Variants in BRCC3 observed in about 807,000 individuals in gnomAD.
BRCC3 encodes lys-63-specific deubiquitinase BRCC36.
A neutral mutation model predicts 28.0 loss-of-function variants in BRCC3; 15 were observed. The ratio of observed to expected loss-of-function variants is 0.54; its 90% CI spans 0.36 to 0.82. The LOEUF (loss-of-function observed/expected upper bound fraction) is 0.82, where lower values mean the gene tolerates loss of function less well. BRCC3 is among the 40% of genes least tolerant of loss of function. The probability of loss-of-function intolerance (pLI) is 0.01; values close to 1 mark genes in which losing one functional copy is unlikely to be tolerated. For missense variants in BRCC3, 109 were observed against 225.9 expected (o/e 0.48, Z 3.32); for synonymous variants, 66 against 80.3 (o/e 0.82, Z 0.95).
In BRCC3 at chrX:155,071,552, G is replaced by T; in HGVS notation, c.25G>T (p.Val9Leu). 8.3e-7 allele frequency: 1 copy of T among 1,203,672 alleles called. No individual in the cohort carries two copies. The highest frequency in any genetic ancestry group is 1.1e-6 in the Non-Finnish European group (1 of 889,930). MAVQVVQA[V>L]QAVHLESDAF... is the part of the protein sequence containing the mutation. ...GATGGCGGTGCAGGTGGTGCAGGCGGTGCAGGCGGTTCATCTCGAGTCTGA... is the reference window on the plus strand; with the variant it reads ...GATGGCGGTGCAGGTGGTGCAGGCGTTGCAGGCGGTTCATCTCGAGTCTGA... Residue 9 changes from valine to leucine, a missense_variant, in exon 1 of 11, where the codon GTG (valine) becomes TTG (leucine). Coordinates refer to ENST00000330045, the MANE Select transcript of BRCC3 (RefSeq NM_001018055.3).
At position 155,090,854 on chromosome X, in the gene BRCC3, G is replaced by GACTT; in HGVS notation, c.548+17_548+20dup. ...AAGAGTTCAGAGTAAGTATGAGAGAGACTTATGTGTGTATTGGAGGGCTAA... is the reference window on the plus strand; with the variant it reads ...AAGAGTTCAGAGTAAGTATGAGAGAGACTTACTTATGTGTGTATTGGAGGGCTAA... On this transcript the variant is annotated intron_variant, in intron 7 of 10. Transcript: ENST00000330045. The GACTT allele has an allele frequency of 3.5e-6, 4 of 1,132,267 alleles. No homozygotes were observed. Among genetic ancestry groups the GACTT allele is most frequent in the Non-Finnish European group, 4.8e-6 (4 of 828,113 alleles). 93.3% of individuals were successfully genotyped at this position (1,132,267 alleles called of 1,213,427 possible).
intron 7 of BRCC3, among the ~76,000 whole-genome samples, chrX:155,096,228 A>G (rs1341028964): frequency 2.7e-5 from 3 of 112,221 alleles, no homozygotes; most frequent in Non-Finnish European, 3.8e-5. Context: ...AGAGACAGAA[A>G]GCAGATTGGT....
At chrX:155,105,877 T>G (rs2074280812) in intron 7 of BRCC3, among the ~76,000 whole-genome samples, 1 of 111,499 alleles carries the variant, frequency 9.0e-6, no homozygotes, top group Non-Finnish European at 1.9e-5. Context: ...TTTTGTATTT[T>G]TAGTGGAGAC....
intron 9 of BRCC3, among the ~76,000 whole-genome samples, chrX:155,119,633 T>G (rs1295557495): frequency 1.8e-5 from 2 of 111,968 alleles, no homozygotes; most frequent in African/African-American, 6.5e-5. Flanking sequence ...TTCTGGCCCA[T>G]TAGGAGGTTA....
chrX:155,116,899 C>G (rs782362300), intron 9 of BRCC3, 145 bp downstream of exon 9: 7 of 425,146 alleles, frequency 1.6e-5, no homozygotes, highest in African/African-American at 9.9e-5. Flanking sequence ...TTTCCTGATC[C>G]TGAGCCCAAC....
At chrX:155,098,539 G>T (rs1205327568) in intron 7 of BRCC3, among the ~76,000 whole-genome samples, 1 of 111,987 alleles carries the variant, frequency 8.9e-6, no homozygotes, top group African/African-American at 3.3e-5. Flanking sequence ...TTGGCCTGGG[G>T]CCTACATTTG....
intron 7 of BRCC3, among the ~76,000 whole-genome samples, chrX:155,101,219 A>G (rs1397489370): frequency 3.6e-5 from 4 of 111,649 alleles, no homozygotes; most frequent in African/African-American, 1.3e-4. Flanking sequence ...ATTATAAATA[A>G]TCTAGAGATG....
chrX:155,099,434 C>T (rs782359868), intron 7 of BRCC3: 17 of 1,187,194 alleles, frequency 1.4e-5, no homozygotes, highest in South Asian at 1.9e-5. Flanking sequence ...AACTGATTTC[C>T]AATAAGTGAC....
At chrX:155,086,941 A>G (rs1557294972) in intron 5 of BRCC3, among the ~76,000 whole-genome samples, 1 of 112,101 alleles carries the variant, frequency 8.9e-6, no homozygotes, top group African/African-American at 3.2e-5. Flanking sequence ...GAGGGCACCA[A>G]TGGGCTTTTC....
At chrX:155,076,737 A>C (rs944647152) in intron 3 of BRCC3, among the ~76,000 whole-genome samples, 1 of 111,851 alleles carries the variant, frequency 8.9e-6, no homozygotes, top group African/African-American at 3.3e-5. Flanking sequence ...GGGTGGGGAC[A>C]CAGAGCCCAG....
intron 7 of BRCC3, among the ~76,000 whole-genome samples, chrX:155,112,174 T>G (rs1181018911): frequency 8.9e-6 from 1 of 111,999 alleles, no homozygotes; most frequent in Non-Finnish European, 1.9e-5. Flanking sequence ...AATGAAGCAC[T>G]TTAGGGCTTC....
intron 7 of BRCC3, among the ~76,000 whole-genome samples, chrX:155,113,168 C>A (rs1310736497): frequency 1.1e-5 from 1 of 91,178 alleles, no homozygotes; most frequent in Non-Finnish European, 2.2e-5. Flanking sequence ...ACTCTGTCAC[C>A]CAGGCTGGCC....
intron 7 of BRCC3, among the ~76,000 whole-genome samples, chrX:155,107,981 G>A (rs1557297705): frequency 9.0e-6 from 1 of 111,625 alleles, no homozygotes; most frequent in Non-Finnish European, 1.9e-5. Context: ...TTCACAAAAT[G>A]AAAACACCTA....
At chrX:155,075,197 G>GTTGCACA (rs1252128666) in intron 3 of BRCC3, among the ~76,000 whole-genome samples, 3 of 75,362 alleles carry the variant, frequency 4.0e-5, no homozygotes, top group African/African-American at 2.9e-4. Flanking sequence ...AATCAGACCT[G>GTTGCACA]TTGCACAGTG....
intron 5 of BRCC3, among the ~76,000 whole-genome samples, chrX:155,082,545 G>T (rs781940202): frequency 1.8e-5 from 2 of 112,150 alleles, no homozygotes; most frequent in Non-Finnish European, 3.8e-5. Context: ...ACCTTTGGTC[G>T]CATTTGCTTT....
chrX:155,109,447 C>T (rs6655840), intron 7 of BRCC3, among the ~76,000 whole-genome samples: 4,131 of 111,775 alleles, frequency 0.037, 69 homozygotes, highest in African/African-American at 0.061. Context: ...TTTAATTTCT[C>T]TATCTTTTGT....
chrX:155,094,731 G>A (rs1335130976), intron 7 of BRCC3, among the ~76,000 whole-genome samples: 1 of 111,836 alleles, frequency 8.9e-6, no homozygotes, highest in Non-Finnish European at 1.9e-5. Context: ...AATTAGAACC[G>A]CTGCCTACAG....
At position 155,090,724 on chromosome X, in the gene BRCC3, C is replaced by G. The variant is rs1405645570; in HGVS notation, c.493-60C>G. 15 of 957,420 alleles carry G rather than the reference C, an allele frequency of 1.6e-5. No individual in the cohort carries two copies. In the East Asian group the frequency reaches 4.6e-4, roughly 29 times the overall value. The allele number at this position is 957,420 out of a possible 1,213,427, so 78.9% of individuals were successfully genotyped here. On this transcript the variant is annotated intron_variant, in intron 6 of 10. Coordinates refer to ENST00000330045, the MANE Select transcript of BRCC3 (RefSeq NM_001018055.3). ...CTGCTTCTAGAGGGACCTTTGGGGT[C>G]TTTTTCAATATTAATCTTTCTTTGT... is the stretch of plus-strand genomic sequence containing the variant.
intron 5 of BRCC3, among the ~76,000 whole-genome samples, 198 bp from the exon 6 acceptor site, chrX:155,089,065 T>C (rs1377784277): frequency 1.8e-5 from 2 of 112,005 alleles, no homozygotes; most frequent in Non-Finnish European, 3.8e-5. Context: ...AGACTTTCGA[T>C]AGTATTACCC....
Sources: allele counts gnomAD v4.1 joint callset (sites outside exome capture counted in the v4.1 genomes callset), GRCh38; gene constraint gnomAD v4.1.1; transcripts MANE v1.5; gene names NCBI Gene and HGNC (gene_info 2026-07-23, HGNC 2026-07-21).